The following ZNF609 variants were observed in gnomAD, a reference collection of about 807,000 sequenced individuals.
ZNF609 encodes the protein zinc finger protein 609.
A neutral mutation model predicts 109.5 loss-of-function variants in ZNF609; 11 were observed. The ratio of observed to expected loss-of-function variants is 0.10; its 90% CI spans 0.06 to 0.17. ZNF609 has a LOEUF of 0.17. ZNF609 is among the 10% of genes least tolerant of loss of function. The pLI is 1.00. For synonymous variants in ZNF609, 646 were observed against 662.0 expected, an observed-to-expected ratio of 0.98 and a Z score of 0.37; for missense variants, 1,559 against 1,772.4, an observed-to-expected ratio of 0.88 and a Z score of 2.16.
At chr15:64,484,194 A>G (rs1331452107) in intron 1 of ZNF609, among the ~76,000 whole-genome samples, 4 of 152,212 alleles carry the variant, frequency 2.6e-5, no homozygotes, top group South Asian at 2.1e-4. Flanking sequence ...AGATTTTCCT[A>G]TGACATTAAA....
chr15:64,525,730 C>T (rs536364120), intron 2 of ZNF609, among the ~76,000 whole-genome samples: 1 of 152,072 alleles, frequency 6.6e-6, no homozygotes, highest in Non-Finnish European at 1.5e-5. Context: ...TTATTTATAA[C>T]TTCTTTAATT....
chr15:64,469,231 C>G (rs2140329039), intron 1 of ZNF609, among the ~76,000 whole-genome samples: 1 of 151,582 alleles, frequency 6.6e-6, no homozygotes, highest in Middle Eastern at 3.4e-3. Flanking sequence ...CCATTGCACT[C>G]CAGCCTGGGC....
At chr15:64,468,183 AT>A (rs1418425155) in intron 1 of ZNF609, among the ~76,000 whole-genome samples, 2 of 149,292 alleles carry the variant, frequency 1.3e-5, no homozygotes, top group South Asian at 2.1e-4. Context: ...CACCCAGCTA[AT>A]TTTTTTTTCC....
At chr15:64,628,936 T>C (rs1896019452) in intron 3 of ZNF609, among the ~76,000 whole-genome samples, 1 of 151,976 alleles carries the variant, frequency 6.6e-6, no homozygotes, top group Non-Finnish European at 1.5e-5. Flanking sequence ...CTGCTCACTA[T>C]TGTAATAACA....
intron 2 of ZNF609, among the ~76,000 whole-genome samples, chr15:64,612,450 A>C (rs1895732954): frequency 6.6e-6 from 1 of 151,740 alleles, no homozygotes; most frequent in African/African-American, 2.4e-5. Context: ...TGCCCGGCCT[A>C]TATATAGCTT....
chr15:64,535,472 C>G (rs984333500), intron 2 of ZNF609, among the ~76,000 whole-genome samples: 5 of 152,098 alleles, frequency 3.3e-5, no homozygotes, highest in Non-Finnish European at 7.3e-5. Context: ...TGTTGCTGAA[C>G]GGTAGTATTC....
intron 3 of ZNF609, among the ~76,000 whole-genome samples, chr15:64,642,713 G>A (rs555507910): frequency 1.1e-4 from 17 of 152,238 alleles, no homozygotes; most frequent in Admixed American, 2.0e-4. Flanking sequence ...AGGATCTCTC[G>A]AATCTGGGAG....
intron 3 of ZNF609, among the ~76,000 whole-genome samples, chr15:64,635,294 T>A (rs1361475983): frequency 6.6e-6 from 1 of 152,220 alleles, no homozygotes; most frequent in Non-Finnish European, 1.5e-5. Flanking sequence ...TACTTAGGAA[T>A]TTAGTTGAGT....
At chr15:64,653,127 T>C (rs1896442512) in intron 3 of ZNF609, 1 of 152,238 alleles carries the variant, frequency 6.6e-6, no homozygotes, top group South Asian at 2.1e-4. Flanking sequence ...ATGACAGAGC[T>C]GAAGATAGCT....
intron 2 of ZNF609, among the ~76,000 whole-genome samples, chr15:64,574,337 C>T (rs562266264): frequency 6.6e-6 from 1 of 152,112 alleles, no homozygotes; most frequent in African/African-American, 2.4e-5. Flanking sequence ...TGATGGAGTT[C>T]CTGTCCCACC....
chr15:64,607,824 TTTCTTTCTTTCTTTCTTTC>T (rs1895630552), intron 2 of ZNF609, among the ~76,000 whole-genome samples: 1 of 8,928 alleles, frequency 1.1e-4, no homozygotes, highest in South Asian at 3.5e-3. Context: ...TTCTTCTTTC[TTTCTTTCTTTCTTTCTTTC>T]TTTCTTTCTT....
intron 2 of ZNF609, among the ~76,000 whole-genome samples, chr15:64,599,207 A>G (rs1291533724): frequency 9.3e-6 from 1 of 108,052 alleles, no homozygotes; most frequent in African/African-American, 3.4e-5. Flanking sequence ...GGTTTTTGAG[A>G]AGATATCAAA....
Position 64,679,848 on chromosome 15 carries a change from G to A in ZNF609, c.3770-337G>A, listed in dbSNP as rs147603460. On this transcript the variant is annotated intron_variant, in intron 6 of 9. Transcript: ENST00000326648. The stretch of plus-strand genomic sequence containing the variant: ...ACCAAGCTAGTAAGTCTCAGAGTAA[G>A]GTTTTGAGCCCAAGGCTCTGACTCC... Among the ~76,000 whole-genome samples the A allele has an allele frequency of 7.2e-5, 11 of 152,302 alleles. No homozygotes were observed. In the East Asian group the frequency reaches 2.1e-3, roughly 29 times the overall value.
At chr15:64,612,128 T>C (rs1485485466) in intron 2 of ZNF609, among the ~76,000 whole-genome samples, 2 of 151,728 alleles carry the variant, frequency 1.3e-5, no homozygotes, top group African/African-American at 4.8e-5. Flanking sequence ...CATTAAGTCT[T>C]CTGTGAATAA....
intron 3 of ZNF609, among the ~76,000 whole-genome samples, chr15:64,642,869 C>T (rs549213456): frequency 1.3e-5 from 2 of 152,266 alleles, no homozygotes; most frequent in South Asian, 2.1e-4. Context: ...CAGATAACAA[C>T]TATGCACCAA....
At chr15:64,592,867 C>T (rs999757838) in intron 2 of ZNF609, 36 of 601,020 alleles carry the variant, frequency 6.0e-5, no homozygotes, top group Middle Eastern at 8.7e-4. Flanking sequence ...GAGCTGGGAT[C>T]GCGCCACTGC....
intron 2 of ZNF609, among the ~76,000 whole-genome samples, chr15:64,576,645 A>C (rs533790528): frequency 6.6e-6 from 1 of 151,844 alleles, no homozygotes; most frequent in South Asian, 2.1e-4. Flanking sequence ...GAATCCTCAA[A>C]ATAGTGGATG....
intron 2 of ZNF609, among the ~76,000 whole-genome samples, chr15:64,509,334 G>A (rs1045083053): frequency 1.3e-5 from 2 of 152,120 alleles, no homozygotes; most frequent in African/African-American, 4.8e-5. Flanking sequence ...GACCTCATAG[G>A]GTTATTGTGA....
chr15:64,604,303 C>G (rs1298833690), intron 2 of ZNF609, among the ~76,000 whole-genome samples: 2 of 152,178 alleles, frequency 1.3e-5, no homozygotes, highest in Non-Finnish European at 2.9e-5. Context: ...AAACTACTTC[C>G]TCTCTCTCCC....
Sources: allele counts gnomAD v4.1 joint callset (sites outside exome capture counted in the v4.1 genomes callset), GRCh38; gene constraint gnomAD v4.1.1; transcripts MANE v1.5; gene names NCBI Gene and HGNC (gene_info 2026-07-23, HGNC 2026-07-21).